CDH13: variants seen among roughly 807,000 people sequenced by gnomAD.
The protein encoded by CDH13 is cadherin-13.
In CDH13, 24 loss-of-function variants were observed where a neutral mutation model predicts 63.8. The ratio of observed to expected loss-of-function variants is 0.38; its 90% CI spans 0.27 to 0.53. CDH13 has a LOEUF of 0.53. Ranked by LOEUF, CDH13 falls within the 20% of genes least tolerant of loss-of-function variation. The probability of loss-of-function intolerance (pLI) is 0.85; values close to 1 mark genes in which losing one functional copy is unlikely to be tolerated. For synonymous variants in CDH13, 503 were observed against 355.3 expected, an observed-to-expected ratio of 1.42 and a Z score of -4.67; for missense variants, 1,049 against 903.1, an observed-to-expected ratio of 1.16 and a Z score of -2.07.
chr16:83,269,477 G>A (rs752419751), intron 5 of CDH13, among the ~76,000 whole-genome samples: 40 of 151,992 alleles, frequency 2.6e-4, no homozygotes, highest in Non-Finnish European at 5.4e-4. Context: ...CAGTCTGTTG[G>A]CAGAATAAAA....
intron 2 of CDH13, among the ~76,000 whole-genome samples, chr16:82,973,416 C>G (rs1434181463): frequency 2.0e-5 from 3 of 152,130 alleles, no homozygotes; most frequent in African/African-American, 4.8e-5. Flanking sequence ...TATGAGACAC[C>G]CGCTCCAGAT....
At chr16:82,723,684 G>A (rs191038191) in intron 1 of CDH13, among the ~76,000 whole-genome samples, 6 of 152,280 alleles carry the variant, frequency 3.9e-5, no homozygotes, top group African/African-American at 7.2e-5. Flanking sequence ...ACCAGATTGC[G>A]ACAGGAGTGA....
intron 5 of CDH13, among the ~76,000 whole-genome samples, chr16:83,250,874 T>C (rs1021787727): frequency 6.6e-6 from 1 of 152,228 alleles, no homozygotes; most frequent in Non-Finnish European, 1.5e-5. Flanking sequence ...CTTAAATTCT[T>C]TGTTGCAAAA....
At chr16:82,774,331 T>G (rs983323327) in intron 1 of CDH13, among the ~76,000 whole-genome samples, 4 of 152,122 alleles carry the variant, frequency 2.6e-5, no homozygotes, top group African/African-American at 9.7e-5. Context: ...CATTTTTTTT[T>G]TTTTTTCATT....
chr16:83,560,879 A>T (rs1017583067), intron 7 of CDH13, among the ~76,000 whole-genome samples: 3 of 148,680 alleles, frequency 2.0e-5, no homozygotes, highest in African/African-American at 5.0e-5. Flanking sequence ...TGTGGCAAGG[A>T]CAAGTGTACC....
intron 1 of CDH13, among the ~76,000 whole-genome samples, chr16:82,838,409 A>G (rs953942959): frequency 2.0e-5 from 3 of 152,126 alleles, no homozygotes; most frequent in Non-Finnish European, 2.9e-5. Context: ...GGGAATTACT[A>G]TATTTATTGT....
intron 6 of CDH13, among the ~76,000 whole-genome samples, chr16:83,389,889 C>T (rs1284741704): frequency 6.6e-6 from 1 of 152,222 alleles, no homozygotes; most frequent in East Asian, 1.9e-4. Context: ...CATCTGCATG[C>T]AGACAGGGTC....
intron 5 of CDH13, among the ~76,000 whole-genome samples, chr16:83,325,791 C>T (rs1157725904): frequency 6.6e-6 from 1 of 152,046 alleles, no homozygotes; most frequent in Non-Finnish European, 1.5e-5. Context: ...TTTCCTTGAC[C>T]TGCAAAACAG....
chr16:82,667,224 A>G (rs1359112931), intron 1 of CDH13, among the ~76,000 whole-genome samples: 1 of 152,208 alleles, frequency 6.6e-6, no homozygotes, highest in African/African-American at 2.4e-5. Flanking sequence ...TTAGCTGGGT[A>G]TCCCATAAAG....
chr16:82,819,999 G>A (rs1257418478), intron 1 of CDH13, among the ~76,000 whole-genome samples: 1 of 152,070 alleles, frequency 6.6e-6, no homozygotes, highest in Non-Finnish European at 1.5e-5. Flanking sequence ...GAGAGACAGC[G>A]GCAGCAGTAG....
rs148391207 is a variant in CDH13, at chr16:83,138,312, G to A, written c.483+12811G>A. On this transcript the variant is annotated intron_variant, in intron 4 of 13. Transcript: ENST00000567109. ...ATGGATTCCCCCGAGAAGAATGCCC[G>A]TCCTAGGAGAGGGGGCAGACCTGTA... Among the ~76,000 whole-genome samples, 140 of 152,204 alleles carry A rather than the reference G, an allele frequency of 9.2e-4. 2 individuals are homozygous for A. The East Asian group carries it at 0.021, about 23-fold the overall frequency.
intron 3 of CDH13, among the ~76,000 whole-genome samples, chr16:83,046,791 G>C (rs115730346): frequency 0.013 from 1,940 of 152,174 alleles, 29 homozygotes; most frequent in Middle Eastern, 0.051. Flanking sequence ...TTGTTGCTCT[G>C]ACCCTGGTGC....
intron 5 of CDH13, among the ~76,000 whole-genome samples, chr16:83,272,994 A>G (rs2088871872): frequency 6.6e-6 from 1 of 150,794 alleles, no homozygotes; most frequent in South Asian, 2.1e-4. Flanking sequence ...AGATAACCCA[A>G]TCTGCAGTGT....
rs140828153 is a variant in CDH13 at position 83,410,772 on chromosome 16, G to C, written c.781+65766G>C. Among the ~76,000 whole-genome samples the C allele has an allele frequency of 7.6e-3, 1,164 of 152,242 alleles. 9 individuals carry two copies. The highest frequency in any genetic ancestry group is 0.012 in the Non-Finnish European group (801 of 68,030). ...TTATGTTCAAGTAACTGAGTCGTTG[G>C]CAATCAGCTGCCAACATTTTGATTG... On this transcript the variant is annotated intron_variant, in intron 6 of 13. Coordinates refer to ENST00000567109, the MANE Select transcript of CDH13 (RefSeq NM_001257.5).
intron 1 of CDH13, among the ~76,000 whole-genome samples, chr16:82,707,404 G>A (rs952080790): frequency 9.2e-5 from 14 of 152,210 alleles, no homozygotes; most frequent in Non-Finnish European, 2.1e-4. Context: ...ATGAGCAGGG[G>A]TATAATGGTG....
At chr16:83,406,471 C>T (rs2092049219) in intron 6 of CDH13, among the ~76,000 whole-genome samples, 1 of 141,130 alleles carries the variant, frequency 7.1e-6, no homozygotes, top group Non-Finnish European at 1.6e-5. Flanking sequence ...CTCTCTCTCT[C>T]TTTCTTTCTT....
rs539812875 is a variant in CDH13 at position 82,724,764 on chromosome 16, G to A, written c.45+97627G>A. Reference sequence around the variant, plus strand: ...GTGAGAGACTGGAAGGCACCCAGATGATCCAAGGTGATGGCCAAACCTACA... The same window carrying A: ...GTGAGAGACTGGAAGGCACCCAGATAATCCAAGGTGATGGCCAAACCTACA... On this transcript the variant is annotated intron_variant, in intron 1 of 13. Transcript: ENST00000567109. Among the ~76,000 whole-genome samples the A allele has an allele frequency of 5.9e-5, 9 of 152,320 alleles. No homozygotes were observed. In the South Asian group the frequency reaches 1.9e-3, roughly 32 times the overall value.
At chr16:83,245,262 G>A (rs908125005) in intron 5 of CDH13, among the ~76,000 whole-genome samples, 2 of 152,034 alleles carry the variant, frequency 1.3e-5, no homozygotes, top group African/African-American at 4.8e-5. Context: ...GAAGATTTTT[G>A]CTTTGTAGGG....
chr16:83,403,190 T>G (rs1437995967), intron 6 of CDH13, among the ~76,000 whole-genome samples: 6 of 152,104 alleles, frequency 3.9e-5, no homozygotes, highest in African/African-American at 1.4e-4. Context: ...ATGAGGTTAG[T>G]GTTTTGGAGA....
Sources: gnomAD v4.1 joint callset for allele counts (sites outside exome capture counted in the v4.1 genomes callset) on GRCh38, gnomAD v4.1.1 for gene constraint, MANE v1.5 for transcripts, NCBI Gene and HGNC (gene_info 2026-07-23, HGNC 2026-07-21) for gene names.